Variants in THSD7A observed in about 807,000 individuals in gnomAD.
The protein encoded by THSD7A is thrombospondin type-1 domain-containing protein 7A.
A neutral mutation model predicts 231.3 loss-of-function variants in THSD7A; 96 were observed. The ratio of observed to expected loss-of-function variants is 0.41; its 90% CI spans 0.35 to 0.49. The LOEUF (loss-of-function observed/expected upper bound fraction) is 0.49, where lower values mean the gene tolerates loss of function less well. Ranked by LOEUF, THSD7A falls within the 20% of genes least tolerant of loss-of-function variation. THSD7A has a pLI of 0.05. For synonymous variants in THSD7A, 940 were observed against 743.3 expected (o/e 1.26, Z -4.30); for missense variants, 2,290 against 2,070.2 (o/e 1.11, Z -2.06).
At chr7:11,787,168 C>A (rs948081010) in intron 1 of THSD7A, among the ~76,000 whole-genome samples, 4 of 151,988 alleles carry the variant, frequency 2.6e-5, no homozygotes, top group Non-Finnish European at 4.4e-5. Flanking sequence ...AGAGAAAAGG[C>A]AATTTCAACA....
intron 6 of THSD7A, among the ~76,000 whole-genome samples, chr7:11,536,986 TA>T (rs1277006951): frequency 6.6e-6 from 1 of 152,142 alleles, no homozygotes; most frequent in Non-Finnish European, 1.5e-5. Flanking sequence ...CTATAAGACT[TA>T]AAATAGGGCA....
At chr7:11,592,473 A>C (rs1332698433) in intron 3 of THSD7A, among the ~76,000 whole-genome samples, 1 of 152,226 alleles carries the variant, frequency 6.6e-6, no homozygotes. Flanking sequence ...CTATTACCAA[A>C]ATAATTCACA....
intron 6 of THSD7A, among the ~76,000 whole-genome samples, chr7:11,483,296 T>C (rs1382132409): frequency 6.6e-6 from 1 of 152,206 alleles, no homozygotes; most frequent in African/African-American, 2.4e-5. Context: ...AGCTACTAGC[T>C]TGCAGAGCCT....
intron 26 of THSD7A, among the ~76,000 whole-genome samples, chr7:11,378,375 G>A (rs1244764864): frequency 6.6e-6 from 1 of 152,190 alleles, no homozygotes; most frequent in South Asian, 2.1e-4. Flanking sequence ...AAATCCAACT[G>A]AGGAGGGAAA....
At chr7:11,824,450 C>T (rs2128187970) in intron 1 of THSD7A, among the ~76,000 whole-genome samples, 1 of 152,182 alleles carries the variant, frequency 6.6e-6, no homozygotes, top group South Asian at 2.1e-4. Flanking sequence ...TCAGGCCTGT[C>T]CTCTATACAG....
intron 2 of THSD7A, among the ~76,000 whole-genome samples, chr7:11,597,961 G>A (rs900514524): frequency 3.0e-4 from 45 of 152,178 alleles, no homozygotes; most frequent in African/African-American, 1.1e-3. Context: ...GTTGACAGAG[G>A]AAGAGAAGAC....
intron 1 of THSD7A, among the ~76,000 whole-genome samples, chr7:11,811,794 G>C (rs933007896): frequency 2.6e-5 from 4 of 152,182 alleles, no homozygotes; most frequent in Admixed American, 1.3e-4. Flanking sequence ...ATGCTTGCAG[G>C]TTTTCACTTG....
rs1782336843 is a variant in THSD7A, at chr7:11,647,755, C to T, written c.191-10794G>A. 2.0e-5 allele frequency among the ~76,000 whole-genome samples: 3 copies of T among 152,030 alleles called. No homozygotes were observed. In the South Asian group the frequency reaches 6.2e-4, roughly 32 times the overall value. On this transcript the variant is annotated intron_variant, in intron 1 of 27. Coordinates refer to ENST00000423059, the MANE Select transcript of THSD7A (RefSeq NM_015204.3). ...ATTTTGCTAAGAATGAATTGCTGTT[C>T]TATTTGTGTTAGGAAGTGTGTGATA...
In THSD7A at chr7:11,546,230, A is replaced by ACG. The variant is rs1554335313; in HGVS notation, c.1454-3115_1454-3114dup. The stretch of plus-strand genomic sequence containing the variant: ...CACACACACACACACACACACACAC[A>ACG]CGTGGACCCTGCCACACTGCTGCCC... On this transcript the variant is annotated intron_variant, in intron 4 of 27. Transcript: ENST00000423059. Among the ~76,000 whole-genome samples, 143 of 151,280 alleles carry ACG rather than the reference A, an allele frequency of 9.5e-4. 1 individual carries two copies. The highest frequency in any genetic ancestry group is 3.4e-3 in the Middle Eastern group (1 of 294).
intron 1 of THSD7A, among the ~76,000 whole-genome samples, chr7:11,683,926 A>G (rs1454423717): frequency 1.3e-5 from 2 of 151,936 alleles, no homozygotes; most frequent in Non-Finnish European, 2.9e-5. Flanking sequence ...TAACAACAAC[A>G]ACAACAAAAA....
intron 1 of THSD7A, among the ~76,000 whole-genome samples, chr7:11,709,380 T>C (rs911312572): frequency 1.3e-5 from 2 of 150,774 alleles, no homozygotes; most frequent in Non-Finnish European, 3.0e-5. Context: ...CTGGCATGAT[T>C]TACACACCAC....
At chr7:11,497,549 A>AT (rs149251101) in intron 6 of THSD7A, among the ~76,000 whole-genome samples, 20,060 of 152,190 alleles carry the variant, frequency 0.13, 1,534 homozygotes, top group Middle Eastern at 0.19. Context: ...AACACTGGTC[A>AT]TTTTTTTGGT....
intron 1 of THSD7A, among the ~76,000 whole-genome samples, chr7:11,710,391 C>T (rs1055145424): frequency 6.6e-6 from 1 of 150,914 alleles, no homozygotes; most frequent in African/African-American, 2.4e-5. Context: ...CCCAATAACT[C>T]TGATTTTGTT....
At chr7:11,532,146 A>C (rs1788734259) in intron 6 of THSD7A, among the ~76,000 whole-genome samples, 1 of 151,944 alleles carries the variant, frequency 6.6e-6, no homozygotes, top group Admixed American at 6.6e-5. Flanking sequence ...GGACACCTGG[A>C]GATAAAATGA....
intron 6 of THSD7A, among the ~76,000 whole-genome samples, chr7:11,524,922 A>C (rs1788410975): frequency 6.6e-6 from 1 of 152,240 alleles, no homozygotes; most frequent in African/African-American, 2.4e-5. Flanking sequence ...CTATATAATT[A>C]TGGGATCATT....
Position 11,634,829 on chromosome 7 carries a change from C to T in THSD7A, c.1022+1301G>A, listed in dbSNP as rs2128359470. On this transcript the variant is annotated intron_variant, in intron 2 of 27. Coordinates refer to ENST00000423059, the MANE Select transcript of THSD7A (RefSeq NM_015204.3). The surrounding 1 kb of genome is among the most constrained non-coding windows in gnomAD (Gnocchi z 4.1). ...CTCTATGATGAGAGAAAGTTATTGT[C>T]TTAGACAGACCAATCAATTTTTGTT... Among the ~76,000 whole-genome samples the T allele has an allele frequency of 6.6e-6, 1 of 152,162 alleles. No individual in the cohort carries two copies. Among genetic ancestry groups the T allele is most frequent in the East Asian group, 1.9e-4 (1 of 5,174 alleles).
rs529852454 is a variant in THSD7A, at chr7:11,792,533, C to T, written c.190+39224G>A. 1.7e-3 allele frequency among the ~76,000 whole-genome samples: 256 copies of T among 151,918 alleles called. 1 individual carries two copies. Among genetic ancestry groups the T allele is most frequent in the African/African-American group, 5.8e-3 (240 of 41,450 alleles). On this transcript the variant is annotated intron_variant, in intron 1 of 27. Transcript: ENST00000423059. ...CAGCTCCACCACACAGGGCAATCTA[C>T]GCAAATACAAATTCCAGGAGCACAT...
intron 6 of THSD7A, among the ~76,000 whole-genome samples, chr7:11,532,786 A>G (rs530750752): frequency 1.3e-5 from 2 of 152,332 alleles, no homozygotes; most frequent in East Asian, 3.9e-4. Context: ...AGAAATAGAG[A>G]AGAAATAATT....
intron 1 of THSD7A, among the ~76,000 whole-genome samples, chr7:11,754,758 GT>G: frequency 6.6e-6 from 1 of 151,984 alleles, no homozygotes; most frequent in East Asian, 1.9e-4. Flanking sequence ...ATACAATGTA[GT>G]TCCTTTTTTG....
Sources: allele counts gnomAD v4.1 joint callset (sites outside exome capture counted in the v4.1 genomes callset), GRCh38; gene constraint gnomAD v4.1.1; non-coding constraint Gnocchi (gnomAD v3.1); transcripts MANE v1.5; gene names NCBI Gene and HGNC (gene_info 2026-07-23, HGNC 2026-07-21).